DNAH14: variants seen among roughly 807,000 people sequenced by gnomAD.
DNAH14 encodes the protein dynein axonemal heavy chain 14.
A neutral mutation model predicts 520.9 loss-of-function variants in DNAH14; 478 were observed. That is an observed-to-expected ratio of 0.92 (90% CI 0.85 to 0.99). The LOEUF is 0.99. Among genes scored for constraint, DNAH14 ranks in the 50% least tolerant of loss-of-function variants. The pLI, the probability that DNAH14 is intolerant of heterozygous loss-of-function variation, is 0.00. For missense variants in DNAH14, 4,831 were observed against 5,234.5 expected, an observed-to-expected ratio of 0.92 and a Z score of 2.38; for synonymous variants, 1,581 against 1,757.2, an observed-to-expected ratio of 0.90 and a Z score of 2.51.
chr1:225,034,093 A>G lies in DNAH14; in HGVS notation c.1359-4601A>G, dbSNP rs151338039. ...GATTGCTCTGGCCAGAACTTCCAGT[A>G]CTATGTTGAATAGGAGTGGTGAGAG... On this transcript the variant is annotated intron_variant, in intron 11 of 85. Transcript: ENST00000682510. Among the ~76,000 whole-genome samples the G allele has an allele frequency of 4.3e-4, 66 of 152,308 alleles. 1 individual carries two copies. The East Asian group carries it at 0.012, about 29-fold the overall frequency.
chr1:225,302,800 ATCT>A (rs1453977677), intron 56 of DNAH14, among the ~76,000 whole-genome samples: 1 of 152,146 alleles, frequency 6.6e-6, no homozygotes, highest in African/African-American at 2.4e-5. Flanking sequence ...TCATCTGACC[ATCT>A]TCTCACTTTG....
At chr1:225,255,636 A>G (rs1212405371) in intron 44 of DNAH14, among the ~76,000 whole-genome samples, 3 of 152,180 alleles carry the variant, frequency 2.0e-5, no homozygotes, top group African/African-American at 7.2e-5. Flanking sequence ...CAATGGACAT[A>G]CTTTCTATAG....
intron 73 of DNAH14, among the ~76,000 whole-genome samples, chr1:225,357,124 TTTGCCTAGCTTTTTCACCCC>T (rs1375662313): frequency 1.1e-4 from 16 of 152,160 alleles, no homozygotes; most frequent in African/African-American, 3.9e-4. Context: ...AGGCAAGGAC[TTTGCCTAGCTTTTTCACCCC>T]TTGCCACTGC....
chr1:225,233,968 C>T lies in DNAH14; in HGVS notation c.6518+2817C>T, dbSNP rs146363307. ...CTATCTTGAGTTAATTTTTGTATAACGTGTAAGGAAGGGGTCCAGTTTCAG... is the reference window on the plus strand; with the variant it reads ...CTATCTTGAGTTAATTTTTGTATAATGTGTAAGGAAGGGGTCCAGTTTCAG... On this transcript the variant is annotated intron_variant, in intron 42 of 85. Coordinates refer to ENST00000682510, the MANE Select transcript of DNAH14 (RefSeq NM_001367479.1). Among the ~76,000 whole-genome samples, 763 of 152,014 alleles carry T rather than the reference C, an allele frequency of 5.0e-3. 6 individuals are homozygous for T. Among genetic ancestry groups the T allele is most frequent in the African/African-American group, 0.017 (720 of 41,472 alleles).
At chr1:225,157,795 C>T (rs2081183479) in intron 34 of DNAH14, among the ~76,000 whole-genome samples, 1 of 152,132 alleles carries the variant, frequency 6.6e-6, no homozygotes, top group Non-Finnish European at 1.5e-5. Flanking sequence ...TTCAAGTGGA[C>T]TCTTGCCCTC....
Position 225,388,375 on chromosome 1 carries a change from A to G in DNAH14, c.13078-4A>G. 6.7e-7 allele frequency: 1 copy of G among 1,493,806 alleles called. No homozygotes were observed. The highest frequency in any genetic ancestry group is 2.5e-5 in the East Asian group (1 of 39,856). The allele number at this position is 1,493,806 out of a possible 1,614,324, so 92.5% of individuals were successfully genotyped here. A position where few individuals can be genotyped will look rare whatever the true frequency, so the allele number is the denominator to read the frequency against. ...ATGATGTGACTGTCTTTAAATCCCA[A>G]CAGAAACACGCCTACAGATCTTGTA... On this transcript the variant is annotated splice_region_variant and splice_polypyrimidine_tract_variant and intron_variant, in intron 81 of 85. Transcript: ENST00000682510.
chr1:225,217,658 G>A (rs2089558338), intron 41 of DNAH14, among the ~76,000 whole-genome samples: 2 of 152,170 alleles, frequency 1.3e-5, no homozygotes, highest in African/African-American at 4.8e-5. Flanking sequence ...AGACTGCTGT[G>A]CTGGCATTGT....
chr1:225,079,202 T>C lies in DNAH14; in HGVS notation c.2425-5T>C. The C allele has an allele frequency of 6.5e-6, 10 of 1,532,294 alleles. No individual in the cohort carries two copies. Among genetic ancestry groups the C allele is most frequent in the Non-Finnish European group, 8.8e-6 (10 of 1,142,524 alleles). 94.9% of individuals were successfully genotyped at this position (1,532,294 alleles called of 1,614,324 possible). Reference sequence around the variant, plus strand: ...ACACAATTATAATTGACATGTTGATTTCAGGTTGTGGAATCATCATTGCAG... The same window carrying C: ...ACACAATTATAATTGACATGTTGATCTCAGGTTGTGGAATCATCATTGCAG... On this transcript the variant is annotated splice_polypyrimidine_tract_variant and splice_region_variant and intron_variant, in intron 17 of 85. Coordinates refer to ENST00000682510, the MANE Select transcript of DNAH14 (RefSeq NM_001367479.1).
intron 27 of DNAH14, among the ~76,000 whole-genome samples, chr1:225,135,698 G>C (rs1245775199): frequency 6.6e-6 from 1 of 151,930 alleles, no homozygotes; most frequent in Admixed American, 6.6e-5. Context: ...TCAAGTTCAG[G>C]TTCTAAATAT....
chr1:225,357,392 A>C (rs948616092), intron 73 of DNAH14, among the ~76,000 whole-genome samples: 1 of 152,152 alleles, frequency 6.6e-6, no homozygotes, highest in African/African-American at 2.4e-5. Flanking sequence ...GATCAATAGA[A>C]TAAAAGAGGA....
At chr1:225,316,088 G>A (rs189914023) in intron 60 of DNAH14, among the ~76,000 whole-genome samples, 252 of 152,310 alleles carry the variant, frequency 1.7e-3, no homozygotes, top group African/African-American at 5.6e-3. Context: ...TGGCTACAGC[G>A]GCTTTGCAGC....
At chr1:225,169,202 A>T (rs1427934775) in intron 36 of DNAH14, among the ~76,000 whole-genome samples, 4 of 152,232 alleles carry the variant, frequency 2.6e-5, no homozygotes, top group Non-Finnish European at 4.4e-5. Context: ...GGGAAAAAAC[A>T]GAGAAGAAAA....
chr1:225,046,253 A>G (rs1452566803), intron 15 of DNAH14, among the ~76,000 whole-genome samples: 3 of 152,014 alleles, frequency 2.0e-5, no homozygotes, highest in Admixed American at 1.3e-4. Flanking sequence ...ATATTCATAC[A>G]TTAGTCAAAT....
intron 27 of DNAH14, among the ~76,000 whole-genome samples, chr1:225,124,337 C>A (rs935043418): frequency 2.0e-5 from 3 of 152,264 alleles, no homozygotes; most frequent in African/African-American, 7.2e-5. Flanking sequence ...TTGTAGCGTG[C>A]GATGCTTTCT....
At chr1:225,193,057 A>G (rs922768956) in intron 38 of DNAH14, 146 bp downstream of exon 38, 2 of 643,610 alleles carry the variant, frequency 3.1e-6, no homozygotes, top group Non-Finnish European at 4.9e-6. Context: ...TAAAAAGAGA[A>G]AAATTATGTT....
At chr1:225,264,551 A>G (rs985279684) in intron 47 of DNAH14, among the ~76,000 whole-genome samples, 1 of 152,118 alleles carries the variant, frequency 6.6e-6, no homozygotes, top group South Asian at 2.1e-4. Flanking sequence ...ACTAAAGGCA[A>G]TATCTGTCTA....
rs1198533987 is a variant in DNAH14 at position 225,074,038 on chromosome 1, C to A, written c.2425-5169C>A. Among the ~76,000 whole-genome samples the A allele has an allele frequency of 2.4e-5, 3 of 122,872 alleles. No homozygotes were observed. The Admixed American group carries it at 2.8e-4, about 11-fold the overall frequency. 80.6% of individuals were successfully genotyped at this position (122,872 alleles called of 152,430 possible). A position where few individuals can be genotyped will look rare whatever the true frequency, so the allele number is the denominator to read the frequency against. On this transcript the variant is annotated intron_variant, in intron 17 of 85. Transcript: ENST00000682510. ...TTTTTGAGACGGAGTCTCGCTCTGT[C>A]GCCCAGGCTGGAGTGCAGTAGTGGG...
intron 2 of DNAH14, among the ~76,000 whole-genome samples, chr1:224,953,791 G>C (rs1558502758): frequency 6.6e-6 from 1 of 151,978 alleles, no homozygotes; most frequent in East Asian, 1.9e-4. Context: ...AAAAAGTCAA[G>C]GATTTAAAGA....
chr1:225,301,488 G>T (rs944959932), intron 56 of DNAH14, among the ~76,000 whole-genome samples: 1 of 152,128 alleles, frequency 6.6e-6, no homozygotes, highest in African/African-American at 2.4e-5. Flanking sequence ...TGGATAGAGC[G>T]GGTGCTATTC....
Sources: gnomAD v4.1 joint callset for allele counts (sites outside exome capture counted in the v4.1 genomes callset) on GRCh38, gnomAD v4.1.1 for gene constraint, MANE v1.5 for transcripts, NCBI Gene and HGNC (gene_info 2026-07-23, HGNC 2026-07-21) for gene names.